NR3C2: variants seen among roughly 807,000 people sequenced by gnomAD.
NR3C2 encodes the protein nuclear receptor subfamily 3 group C member 2, also known as mineralocorticoid receptor.
NR3C2 carries 15 observed loss-of-function variants against 86.4 expected under a neutral mutation model. The ratio of observed to expected loss-of-function variants is 0.17; its 90% CI spans 0.12 to 0.27. The LOEUF is 0.27. Ranked by LOEUF, NR3C2 falls within the 10% of genes least tolerant of loss-of-function variation. The pLI is 1.00. For missense variants in NR3C2, 960 were observed against 1,195.6 expected (o/e 0.80, Z 2.91); for synonymous variants, 458 against 450.5 (o/e 1.02, Z -0.21).
chr4:148,206,046 A>C (rs1736988887), intron 3 of NR3C2, among the ~76,000 whole-genome samples: 1 of 152,182 alleles, frequency 6.6e-6, no homozygotes, highest in Admixed American at 6.5e-5. Flanking sequence ...AAGCCAGTCC[A>C]GGTCTAATTT....
chr4:148,214,280 G>A (rs766272963), intron 3 of NR3C2, among the ~76,000 whole-genome samples: 4 of 152,110 alleles, frequency 2.6e-5, no homozygotes, highest in Non-Finnish European at 5.9e-5. Flanking sequence ...TTCTAAAGTT[G>A]GGCCTTAAGC....
At chr4:148,262,965 C>G (rs1740200162) in intron 2 of NR3C2, among the ~76,000 whole-genome samples, 1 of 152,158 alleles carries the variant, frequency 6.6e-6, no homozygotes, top group Admixed American at 6.5e-5. Flanking sequence ...CTGTCAACAC[C>G]TCTTACCTGG....
chr4:148,108,768 G>A (rs897489863), intron 8 of NR3C2, among the ~76,000 whole-genome samples: 3 of 152,174 alleles, frequency 2.0e-5, no homozygotes, highest in African/African-American at 7.2e-5. Flanking sequence ...CTCAGCTCAT[G>A]TTGAGGCCAA....
chr4:148,229,327 CCT>C (rs1312272840), intron 3 of NR3C2, among the ~76,000 whole-genome samples: 7 of 152,128 alleles, frequency 4.6e-5, no homozygotes, highest in African/African-American at 1.7e-4. Context: ...GGCAGAACCC[CCT>C]CTTTCTTCGC....
At chr4:148,194,639 A>C in intron 4 of NR3C2, 107 bp downstream of exon 4, 2 of 735,780 alleles carry the variant, frequency 2.7e-6, no homozygotes. Context: ...ATTTTCAGAA[A>C]CCTTTGCTCC....
chr4:148,186,843 T>C (rs1409059905), intron 4 of NR3C2, among the ~76,000 whole-genome samples: 1 of 151,118 alleles, frequency 6.6e-6, no homozygotes, highest in Admixed American at 6.6e-5. Flanking sequence ...AGCTCCCACA[T>C]ACCAGTGACA....
At chr4:148,261,298 CTAT>C (rs1561006056) in intron 2 of NR3C2, among the ~76,000 whole-genome samples, 7 of 119,914 alleles carry the variant, frequency 5.8e-5, no homozygotes, top group Admixed American at 1.9e-4. Flanking sequence ...ATGGTAAGTG[CTAT>C]GGTGCGCTAT....
chr4:148,107,873 C>T (rs1731873618), intron 8 of NR3C2, among the ~76,000 whole-genome samples: 1 of 152,068 alleles, frequency 6.6e-6, no homozygotes. Flanking sequence ...GGAGGGAGAG[C>T]ATTAGGACAA....
chr4:148,399,741 A>G (rs932959059), intron 2 of NR3C2, among the ~76,000 whole-genome samples: 1 of 152,012 alleles, frequency 6.6e-6, no homozygotes, highest in Admixed American at 6.6e-5. Context: ...CCAATCACAG[A>G]TATTAATATT....
intron 2 of NR3C2, among the ~76,000 whole-genome samples, chr4:148,311,767 A>G (rs141766506): frequency 6.6e-6 from 1 of 152,300 alleles, no homozygotes; most frequent in Non-Finnish European, 1.5e-5. Context: ...TGCCAATTAC[A>G]CTGCACTCTT....
chr4:148,225,909 T>A (rs879380978), intron 3 of NR3C2, among the ~76,000 whole-genome samples: 3 of 152,166 alleles, frequency 2.0e-5, no homozygotes, highest in Non-Finnish European at 4.4e-5. Context: ...GACTTACTCA[T>A]AAATGTCCTA....
At chr4:148,418,686 C>A (rs1029008427) in intron 2 of NR3C2, among the ~76,000 whole-genome samples, 1 of 152,110 alleles carries the variant, frequency 6.6e-6, no homozygotes, top group Admixed American at 6.5e-5. Flanking sequence ...TAACAATCAA[C>A]AATAATAAGA....
At chr4:148,345,629 C>G (rs1744953639) in intron 2 of NR3C2, among the ~76,000 whole-genome samples, 1 of 151,726 alleles carries the variant, frequency 6.6e-6, no homozygotes, top group African/African-American at 2.4e-5. Flanking sequence ...AAGAAATGTT[C>G]TTCTAGTTAG....
At chr4:148,355,688 A>G (rs186101858) in intron 2 of NR3C2, among the ~76,000 whole-genome samples, 1 of 152,334 alleles carries the variant, frequency 6.6e-6, no homozygotes, top group East Asian at 1.9e-4. Context: ...GCAAACAACA[A>G]ATGTCACCGA....
chr4:148,368,052 G>C (rs772362071), intron 2 of NR3C2, among the ~76,000 whole-genome samples: 1 of 151,936 alleles, frequency 6.6e-6, no homozygotes, highest in Admixed American at 6.6e-5. Context: ...TCCCTTGGGC[G>C]CCACCATCCA....
At chr4:148,117,392 C>T (rs968543402) in intron 7 of NR3C2, among the ~76,000 whole-genome samples, 7 of 152,156 alleles carry the variant, frequency 4.6e-5, no homozygotes, top group Non-Finnish European at 8.8e-5. Context: ...CTCGCTGCTG[C>T]CATTGTGTGC....
At chr4:148,082,882 G>GGGAA (rs887352719) in intron 8 of NR3C2, among the ~76,000 whole-genome samples, 3 of 152,054 alleles carry the variant, frequency 2.0e-5, no homozygotes, top group African/African-American at 7.2e-5. Context: ...AGCTTGGTGG[G>GGGAA]GGAAGGGGGG....
At chr4:148,087,040 A>G (rs923122304) in intron 8 of NR3C2, among the ~76,000 whole-genome samples, 10 of 152,264 alleles carry the variant, frequency 6.6e-5, no homozygotes, top group African/African-American at 2.4e-4. Flanking sequence ...ATCTCAGCCC[A>G]AAATCTTAAG....
chr4:148,189,618 C>G (rs542847581), intron 4 of NR3C2, among the ~76,000 whole-genome samples: 1 of 152,238 alleles, frequency 6.6e-6, no homozygotes, highest in Admixed American at 6.5e-5. Flanking sequence ...CTTTGAATGT[C>G]TGATAGAATT....
Sources: allele counts gnomAD v4.1 joint callset (sites outside exome capture counted in the v4.1 genomes callset), GRCh38; gene constraint gnomAD v4.1.1; transcripts MANE v1.5; gene names NCBI Gene and HGNC (gene_info 2026-07-23, HGNC 2026-07-21).